MAP4: variants seen among roughly 807,000 people sequenced by gnomAD.
MAP4 encodes microtubule-associated protein 4.
A neutral mutation model predicts 170.2 loss-of-function variants in MAP4; 76 were observed. The observed-to-expected ratio is 0.45, with a 90% CI of 0.37 to 0.54. MAP4 has a LOEUF of 0.54. Among genes scored for constraint, MAP4 ranks in the 20% least tolerant of loss-of-function variants. The pLI, the probability that MAP4 is intolerant of heterozygous loss-of-function variation, is 0.00. For missense variants in MAP4, 2,506 were observed against 2,748.0 expected (o/e 0.91, Z 1.97); for synonymous variants, 909 against 994.5 (o/e 0.91, Z 1.62).
rs2054478654 is a variant in MAP4 at position 47,855,683 on chromosome 3, G to A, written c.6584-323C>T. Among the ~76,000 whole-genome samples, 1 of 152,116 alleles carries A rather than the reference G, an allele frequency of 6.6e-6. No individual in the cohort carries two copies. Among genetic ancestry groups the A allele is most frequent in the Admixed American group, 6.5e-5 (1 of 15,280 alleles). Reference sequence around the variant, plus strand: ...GCACAGCCTCCAGGGCGAAGCCTCTGCTTCTCTACTCTGTGTGGGAATGCC... The same window carrying A: ...GCACAGCCTCCAGGGCGAAGCCTCTACTTCTCTACTCTGTGTGGGAATGCC... On this transcript the variant is annotated intron_variant, in intron 18 of 20. Transcript: ENST00000683076. The surrounding 1 kb of genome is among the most constrained non-coding windows in gnomAD (Gnocchi z 5.1).
chr3:47,968,144 C>CT (rs1310580412), intron 3 of MAP4, among the ~76,000 whole-genome samples: 6 of 152,226 alleles, frequency 3.9e-5, no homozygotes, highest in African/African-American at 1.4e-4. Context: ...CTTGAGCAAA[C>CT]AATAGACTAC....
At position 48,045,279 on chromosome 3, in the gene MAP4, T is replaced by A. The variant is rs1004564984; in HGVS notation, c.-20+43494A>T. Among the ~76,000 whole-genome samples the A allele has an allele frequency of 4.5e-3, 568 of 126,402 alleles. 6 individuals are homozygous for A. The highest frequency in any genetic ancestry group is 0.015 in the African/African-American group (538 of 35,752). The allele number at this position is 126,402 out of a possible 152,430, so 82.9% of individuals were successfully genotyped here. ...GTCTCAAAAAAAAAAAAAAAAAAAATTTCATTGAAACATTAAAAACTCTGT... is the reference window on the plus strand; with the variant it reads ...GTCTCAAAAAAAAAAAAAAAAAAAAATTCATTGAAACATTAAAAACTCTGT... On this transcript the variant is annotated intron_variant, in intron 1 of 18. Transcript: ENST00000360240.
intron 17 of MAP4, among the ~76,000 whole-genome samples, chr3:47,858,267 G>C (rs1471416878): frequency 6.6e-6 from 1 of 151,848 alleles, no homozygotes; most frequent in East Asian, 1.9e-4. Context: ...CCTGCCTCAG[G>C]ATCCCAAAGT....
At chr3:47,973,911 A>G (rs1177607365) in intron 3 of MAP4, 15 of 985,070 alleles carry the variant, frequency 1.5e-5, no homozygotes, top group Non-Finnish European at 1.8e-5. Context: ...CTAAGAAGAT[A>G]AGCATAACCT....
Position 47,916,542 on chromosome 3 carries a change from C to A in MAP4, c.1285G>T (p.Glu429Ter). ...AQANDIISST[E>*]ISSAEKVALS... ...GCCACCTTCTCAGCAGAGGATATTTCTGTGGATGATATAATGTCATTAGCC... is the reference window on the plus strand; with the variant it reads ...GCCACCTTCTCAGCAGAGGATATTTATGTGGATGATATAATGTCATTAGCC... The change falls in exon 7 of 21, where the codon GAA becomes TAA. Residue 429 changes from glutamate (E) to a stop codon, truncating the protein, a stop_gained. Transcript: ENST00000683076. LOFTEE classifies it high-confidence loss of function. The A allele has an allele frequency of 1.2e-6, 2 of 1,614,136 alleles. No homozygotes were observed.
rs933717093 is a variant in MAP4, at chr3:47,851,153, C to G, written c.*1781G>C. 2 of 152,274 alleles carry G rather than the reference C, an allele frequency of 1.3e-5. No individual in the cohort carries two copies. The highest frequency in any genetic ancestry group is 2.4e-5 in the African/African-American group (1 of 41,448). The allele number at this position is 152,274 out of a possible 1,614,324, so 9.4% of individuals were successfully genotyped here. A position where few individuals can be genotyped will look rare whatever the true frequency, so the allele number is the denominator to read the frequency against. ...TTTCTTCCTGCTGACAAAACACTGG[C>G]TCCCTCATGTTCTTGGCACAGCAGA... is the stretch of plus-strand genomic sequence containing the variant. On this transcript the variant is annotated 3_prime_UTR_variant, in exon 21 of 21. Transcript: ENST00000683076.
At chr3:47,897,311 G>A (rs895988021) in intron 10 of MAP4, among the ~76,000 whole-genome samples, 1 of 152,014 alleles carries the variant, frequency 6.6e-6, no homozygotes, top group African/African-American at 2.4e-5. Flanking sequence ...ATTTTTAGTA[G>A]AGACAGGGTT....
chr3:48,012,969 T>C (rs199883339), intron 1 of MAP4, among the ~76,000 whole-genome samples: 1 of 27,850 alleles, frequency 3.6e-5, no homozygotes, highest in Non-Finnish European at 1.3e-4. Flanking sequence ...TAAAGTACTG[T>C]TGTTTTTTTT....
In MAP4 at chr3:47,911,922, CCTTTT is replaced by C. The variant is rs1316766016; in HGVS notation, c.2494_2498del (p.Lys832GlyfsTer5). ...CTGCACTGGAGTTAACTAAACATTC[CCTTTT>C]CAAGTTTTCTCCAGATACAAGTCCA... On this transcript the variant is annotated frameshift_variant, in exon 9 of 21. Coordinates refer to ENST00000683076, the MANE Select transcript of MAP4 (RefSeq NM_001385682.1). LOFTEE classifies it high-confidence loss of function. The surrounding 1 kb of genome is among the most constrained non-coding windows in gnomAD (Gnocchi z 4.0). The C allele has an allele frequency of 3.9e-6, 6 of 1,535,944 alleles. No homozygotes were observed. In the African/African-American group the frequency reaches 8.2e-5, roughly 21 times the overall value.
At chr3:47,890,982 C>T (rs2100023601) in intron 10 of MAP4, 3 of 1,415,974 alleles carry the variant, frequency 2.1e-6, no homozygotes, top group Non-Finnish European at 9.3e-7. Flanking sequence ...TCCTTCCTTG[C>T]TGTCTGCTTG....
At chr3:48,048,756 T>C (rs549337006) in intron 1 of MAP4, among the ~76,000 whole-genome samples, 3 of 152,222 alleles carry the variant, frequency 2.0e-5, no homozygotes, top group Admixed American at 2.0e-4. Flanking sequence ...ATGACACTGA[T>C]ACATAACTGT....
In MAP4 at chr3:47,851,850, G is replaced by A. The variant is rs2042841330; in HGVS notation, c.*1084C>T. The A allele has an allele frequency of 6.6e-6, 1 of 152,234 alleles. No individual in the cohort carries two copies. Among genetic ancestry groups the A allele is most frequent in the Non-Finnish European group, 1.5e-5 (1 of 68,046 alleles). The allele number at this position is 152,234 out of a possible 1,614,324, so 9.4% of individuals were successfully genotyped here. ...CATGAGGGCTTACATGTCCTAGGGT[G>A]TGGGTGCCGGCCTGAAGGAATTCCA... On this transcript the variant is annotated 3_prime_UTR_variant, in exon 21 of 21. Coordinates refer to ENST00000683076, the MANE Select transcript of MAP4 (RefSeq NM_001385682.1).
intron 5 of MAP4, among the ~76,000 whole-genome samples, chr3:47,920,544 GTTTTTTT>G (rs71070241): frequency 3.1e-5 from 3 of 96,588 alleles, no homozygotes; most frequent in Admixed American, 1.1e-4. Context: ...CACCCAGATG[GTTTTTTT>G]TTTTTTTTTT....
intron 1 of MAP4, among the ~76,000 whole-genome samples, chr3:48,050,716 G>A (rs2100127285): frequency 6.6e-6 from 1 of 151,822 alleles, no homozygotes; most frequent in Admixed American, 6.6e-5. Flanking sequence ...GACCATCCTG[G>A]CCAACATGGT....
At chr3:47,982,213 C>A (rs1473669014) in intron 2 of MAP4, among the ~76,000 whole-genome samples, 1 of 152,050 alleles carries the variant, frequency 6.6e-6, no homozygotes, top group Admixed American at 6.6e-5. Context: ...TTCCTCTGGA[C>A]CAAGTTAAAA....
At chr3:47,987,257 G>T in intron 2 of MAP4, 1 of 598,828 alleles carries the variant, frequency 1.7e-6, no homozygotes, top group South Asian at 4.5e-5. Flanking sequence ...CATGAAATAT[G>T]GCAGTAAACA....
intron 3 of MAP4, among the ~76,000 whole-genome samples, chr3:47,953,859 C>T (rs1179679623): frequency 6.6e-6 from 1 of 151,808 alleles, no homozygotes; most frequent in African/African-American, 2.4e-5. Flanking sequence ...ACTAAAAATA[C>T]AAAAATTAGC....
intron 3 of MAP4, among the ~76,000 whole-genome samples, chr3:47,965,830 A>G (rs2100074530): frequency 6.6e-6 from 1 of 152,124 alleles, no homozygotes; most frequent in African/African-American, 2.4e-5. Context: ...TTTTGCCTCC[A>G]TGGGTTGCCT....
chr3:48,053,589 T>C (rs1216568914), intron 1 of MAP4, among the ~76,000 whole-genome samples: 2 of 152,218 alleles, frequency 1.3e-5, no homozygotes, highest in Non-Finnish European at 2.9e-5. Flanking sequence ...CCAGTGTTTC[T>C]AAAACTAATG....
Sources: allele counts gnomAD v4.1 joint callset (sites outside exome capture counted in the v4.1 genomes callset), GRCh38; gene constraint gnomAD v4.1.1; non-coding constraint Gnocchi (gnomAD v3.1); transcripts MANE v1.5; gene names NCBI Gene and HGNC (gene_info 2026-07-23, HGNC 2026-07-21).